The following SUPT3H variants were observed in gnomAD, a reference collection of about 807,000 sequenced individuals.
The protein encoded by SUPT3H is SPT3 homolog, SAGA and STAGA complex component, also known as transcription initiation protein SPT3 homolog.
SUPT3H carries 44 observed loss-of-function variants against 44.3 expected under a neutral mutation model. The observed-to-expected ratio is 0.99, with a 90% confidence interval of 0.78 to 1.28. The LOEUF (loss-of-function observed/expected upper bound fraction) is 1.28, where lower values mean the gene tolerates loss of function less well. SUPT3H is among the 50% of genes most tolerant of loss of function. SUPT3H has a pLI of 0.00. For missense variants in SUPT3H, 380 were observed against 387.1 expected (o/e 0.98, Z 0.15); for synonymous variants, 124 against 125.6 (o/e 0.99, Z 0.09).
chr6:44,876,700 A>C (rs181106839), intron 10 of SUPT3H, among the ~76,000 whole-genome samples: 1 of 152,010 alleles, frequency 6.6e-6, no homozygotes, highest in Admixed American at 6.5e-5. Context: ...CTCTTAAATA[A>C]CCAATGGATC....
At chr6:45,111,539 C>CCCCCCA (rs1800066126) in intron 2 of SUPT3H, among the ~76,000 whole-genome samples, 4 of 142,340 alleles carry the variant, frequency 2.8e-5, no homozygotes, top group South Asian at 2.3e-4. Context: ...CTCCCCCCCG[C>CCCCCCA]AAAAAAAACA....
At chr6:44,918,951 G>C (rs1402877843) in intron 10 of SUPT3H, among the ~76,000 whole-genome samples, 2 of 152,176 alleles carry the variant, frequency 1.3e-5, no homozygotes, top group Non-Finnish European at 2.9e-5. Flanking sequence ...AATTGAGCCT[G>C]AGCTTCTTAC....
chr6:45,214,834 G>A (rs950370560), intron 2 of SUPT3H, among the ~76,000 whole-genome samples: 3 of 152,114 alleles, frequency 2.0e-5, no homozygotes, highest in African/African-American at 7.2e-5. Flanking sequence ...AGGTAACAGA[G>A]ACTTCATTAA....
At chr6:45,253,981 C>T (rs1381599792) in intron 2 of SUPT3H, among the ~76,000 whole-genome samples, 2 of 150,400 alleles carry the variant, frequency 1.3e-5, no homozygotes, top group East Asian at 2.0e-4. Context: ...ACATTCATAT[C>T]TATACCTGTA....
intron 1 of SUPT3H, among the ~76,000 whole-genome samples, chr6:45,368,330 A>G (rs1222120530): frequency 6.6e-6 from 1 of 152,178 alleles, no homozygotes; most frequent in Non-Finnish European, 1.5e-5. Context: ...TAATATTATA[A>G]CACACCTGTA....
downstream of SUPT3H, among the ~76,000 whole-genome samples, chr6:44,825,805 T>C (rs1767703831): frequency 6.6e-6 from 1 of 152,172 alleles, no homozygotes; most frequent in African/African-American, 2.4e-5. Context: ...TTCCTATCTA[T>C]CTATCTTTAC....
At chr6:45,243,078 C>G (rs1770657768) in intron 2 of SUPT3H, among the ~76,000 whole-genome samples, 1 of 151,458 alleles carries the variant, frequency 6.6e-6, no homozygotes, top group African/African-American at 2.4e-5. Flanking sequence ...CCTGTAATCC[C>G]AGCTAGTCGG....
At chr6:44,984,674 C>A (rs1206127127) in intron 6 of SUPT3H, among the ~76,000 whole-genome samples, 2 of 152,142 alleles carry the variant, frequency 1.3e-5, no homozygotes, top group African/African-American at 2.4e-5. Flanking sequence ...CCCATCGCAA[C>A]TTTGCTTCAG....
At chr6:44,998,700 T>C (rs1582974945) in intron 6 of SUPT3H, among the ~76,000 whole-genome samples, 1 of 152,068 alleles carries the variant, frequency 6.6e-6, no homozygotes, top group East Asian at 1.9e-4. Flanking sequence ...TTCTACCACT[T>C]TGTTCTTATA....
At chr6:44,975,145 T>C (rs1327085056) in intron 6 of SUPT3H, among the ~76,000 whole-genome samples, 1 of 148,308 alleles carries the variant, frequency 6.7e-6, no homozygotes, top group Non-Finnish European at 1.5e-5. Flanking sequence ...CACTCCAGCC[T>C]GGGTGACACA....
At chr6:45,340,795 T>C (rs1238178367) in intron 2 of SUPT3H, among the ~76,000 whole-genome samples, 2 of 152,126 alleles carry the variant, frequency 1.3e-5, no homozygotes, top group Non-Finnish European at 2.9e-5. Context: ...CTAATCCTCA[T>C]TTATAAAATT....
chr6:45,003,622 A>T (rs1325225446), intron 6 of SUPT3H, 31 bp downstream of exon 6: 1 of 1,607,706 alleles, frequency 6.2e-7, no homozygotes. Context: ...TGATTGTTCT[A>T]TTTCTGTAAA....
At chr6:45,002,537 C>T (rs1326232130) in intron 6 of SUPT3H, among the ~76,000 whole-genome samples, 1 of 151,868 alleles carries the variant, frequency 6.6e-6, no homozygotes, top group Non-Finnish European at 1.5e-5. Flanking sequence ...ATAAGTGAAA[C>T]CATGCCACTA....
intron 10 of SUPT3H, among the ~76,000 whole-genome samples, chr6:44,832,566 C>T (rs904136536): frequency 3.3e-5 from 5 of 152,292 alleles, no homozygotes; most frequent in African/African-American, 7.2e-5. Flanking sequence ...CTGTTCTCAA[C>T]ATCAGTTGCT....
chr6:45,232,040 GTTTAA>G (rs1768154929), intron 2 of SUPT3H, among the ~76,000 whole-genome samples: 1 of 151,942 alleles, frequency 6.6e-6, no homozygotes, highest in South Asian at 2.1e-4. Flanking sequence ...AGCATTTTTA[GTTTAA>G]TTTTACATTC....
chr6:45,366,928 T>C (rs1795233557), intron 1 of SUPT3H, among the ~76,000 whole-genome samples: 1 of 152,172 alleles, frequency 6.6e-6, no homozygotes, highest in Admixed American at 6.5e-5. Context: ...TGCTGCCAAA[T>C]TTATCTTCTT....
intron 1 of SUPT3H, among the ~76,000 whole-genome samples, chr6:45,377,151 T>C (rs1050101093): frequency 1.3e-5 from 2 of 152,192 alleles, no homozygotes; most frequent in African/African-American, 4.8e-5. Flanking sequence ...AGAGCTAATA[T>C]GTACTGAGCA....
intron 10 of SUPT3H, among the ~76,000 whole-genome samples, chr6:44,878,665 C>A (rs1271096569): frequency 6.6e-6 from 1 of 152,106 alleles, no homozygotes; most frequent in East Asian, 1.9e-4. Flanking sequence ...CTCTGGTCTA[C>A]AGCTCCCAGT....
At chr6:45,320,305 C>T (rs1785283396) in intron 2 of SUPT3H, among the ~76,000 whole-genome samples, 1 of 152,006 alleles carries the variant, frequency 6.6e-6, no homozygotes, top group South Asian at 2.1e-4. Context: ...GCTCTGTCGC[C>T]CAGGCTGTAG....
Sources: allele counts gnomAD v4.1 joint callset (sites outside exome capture counted in the v4.1 genomes callset), GRCh38; gene constraint gnomAD v4.1.1; transcripts MANE v1.5; gene names NCBI Gene and HGNC (gene_info 2026-07-23, HGNC 2026-07-21).